ZCCHC7: variants seen among roughly 807,000 people sequenced by gnomAD.
The protein encoded by ZCCHC7 is zinc finger CCHC domain-containing protein 7.
Under a neutral mutation model 52.0 loss-of-function variants are expected in ZCCHC7, and 35 were observed. The ratio of observed to expected loss-of-function variants is 0.67; its 90% CI spans 0.51 to 0.89. The LOEUF (loss-of-function observed/expected upper bound fraction) is 0.89, where lower values mean the gene tolerates loss of function less well. ZCCHC7 is among the 40% of genes least tolerant of loss of function. ZCCHC7 has a pLI of 0.00. For missense variants in ZCCHC7, 574 were observed against 649.1 expected (o/e 0.88, Z 1.26); for synonymous variants, 217 against 221.5 (o/e 0.98, Z 0.18).
chr9:37,288,294 AT>A (rs1828355780), intron 2 of ZCCHC7, among the ~76,000 whole-genome samples: 1 of 149,876 alleles, frequency 6.7e-6, no homozygotes, highest in Non-Finnish European at 1.5e-5. Flanking sequence ...AAAAAAAAAA[AT>A]CTATCTATCT....
intron 5 of ZCCHC7, among the ~76,000 whole-genome samples, chr9:37,321,580 A>G (rs1459785151): frequency 6.6e-6 from 1 of 152,136 alleles, no homozygotes; most frequent in Admixed American, 6.5e-5. Flanking sequence ...CCTAGGCACC[A>G]TAGTGAGACT....
intron 5 of ZCCHC7, chr9:37,327,562 GA>G: frequency 2.3e-6 from 1 of 434,186 alleles, no homozygotes. Flanking sequence ...AACCTGAAAA[GA>G]AAAAGAGAGA....
At chr9:37,170,400 T>G (rs557368206) in intron 2 of ZCCHC7, among the ~76,000 whole-genome samples, 67 of 152,358 alleles carry the variant, frequency 4.4e-4, no homozygotes, top group Non-Finnish European at 2.8e-4. Context: ...CAAATAGGTT[T>G]CATTCTCACA....
chr9:37,309,206 G>T (rs1829480647), intron 5 of ZCCHC7, among the ~76,000 whole-genome samples: 2 of 152,170 alleles, frequency 1.3e-5, no homozygotes, highest in Non-Finnish European at 1.5e-5. Context: ...GTCAAGCCTG[G>T]GCTCTACTGA....
chr9:37,342,213 G>C (rs117075062), intron 6 of ZCCHC7, among the ~76,000 whole-genome samples: 1 of 152,160 alleles, frequency 6.6e-6, no homozygotes, highest in Admixed American at 6.6e-5. Flanking sequence ...TGATGGGCTG[G>C]GTATGAGGTA....
At position 37,162,771 on chromosome 9, in the gene ZCCHC7, C is replaced by T. The variant is rs150418802; in HGVS notation, c.610+35829C>T. ...GTAATGGATATGTGTGTTTATCTTT[C>T]GAAGGAAACAACAGTTCCAGGCCAG... On this transcript the variant is annotated intron_variant, in intron 2 of 8. Coordinates refer to ENST00000336755, the MANE Select transcript of ZCCHC7 (RefSeq NM_032226.3). 1.6e-3 allele frequency among the ~76,000 whole-genome samples: 250 copies of T among 152,212 alleles called. 1 individual carries two copies. The highest frequency in any genetic ancestry group is 5.7e-3 in the African/African-American group (235 of 41,536).
intron 6 of ZCCHC7, among the ~76,000 whole-genome samples, chr9:37,337,401 A>T (rs975899111): frequency 4.3e-5 from 1 of 23,106 alleles, no homozygotes; most frequent in Non-Finnish European, 7.3e-5. Flanking sequence ...CTACCCACCC[A>T]CCCCCCCCCC....
At chr9:37,181,857 TA>T (rs568024031) in intron 2 of ZCCHC7, among the ~76,000 whole-genome samples, 14 of 152,226 alleles carry the variant, frequency 9.2e-5, no homozygotes, top group Non-Finnish European at 1.6e-4. Flanking sequence ...TATAAATTTT[TA>T]AAAAAAATTT....
chr9:37,174,984 A>G (rs1821938505), intron 2 of ZCCHC7, among the ~76,000 whole-genome samples: 1 of 151,792 alleles, frequency 6.6e-6, no homozygotes. Flanking sequence ...TAAAAATACA[A>G]AAATTAGCCG....
At chr9:37,198,133 C>T (rs970357976) in intron 2 of ZCCHC7, among the ~76,000 whole-genome samples, 1 of 152,132 alleles carries the variant, frequency 6.6e-6, no homozygotes, top group Non-Finnish European at 1.5e-5. Flanking sequence ...CTTACTTGTC[C>T]TAGAATCTGT....
chr9:37,155,726 A>G lies in ZCCHC7; in HGVS notation c.610+28784A>G, dbSNP rs545442854. 4.6e-5 allele frequency among the ~76,000 whole-genome samples: 7 copies of G among 152,298 alleles called. No homozygotes were observed. In the South Asian group the frequency reaches 6.2e-4, roughly 14 times the overall value. On this transcript the variant is annotated intron_variant, in intron 2 of 8. Transcript: ENST00000336755. ...AAATGTCTCCAAATTTCAGAGTCCT[A>G]TTCATCTTACCTAAAATACACTAAG...
intron 2 of ZCCHC7, among the ~76,000 whole-genome samples, chr9:37,234,415 T>A (rs1317461541): frequency 3.3e-5 from 5 of 152,218 alleles, no homozygotes; most frequent in Non-Finnish European, 4.4e-5. Flanking sequence ...TTTTGATAAT[T>A]CTGGTTAAAG....
intron 2 of ZCCHC7, among the ~76,000 whole-genome samples, chr9:37,183,559 C>G (rs1237626142): frequency 1.3e-5 from 2 of 152,226 alleles, no homozygotes; most frequent in East Asian, 1.9e-4. Flanking sequence ...TGAACCATAG[C>G]GTTGTTGATA....
chr9:37,254,282 T>C (rs1484005955), intron 2 of ZCCHC7, among the ~76,000 whole-genome samples: 1 of 152,090 alleles, frequency 6.6e-6, no homozygotes, highest in East Asian at 1.9e-4. Context: ...TAAATGTAGT[T>C]TAAGATAATA....
chr9:37,190,362 AAC>A (rs1430636775), intron 2 of ZCCHC7, among the ~76,000 whole-genome samples: 5 of 152,178 alleles, frequency 3.3e-5, no homozygotes, highest in Admixed American at 3.3e-4. Context: ...CTCAAGCTAG[AAC>A]TAGAGGCTTC....
At chr9:37,159,015 G>A (rs149374690) in intron 2 of ZCCHC7, among the ~76,000 whole-genome samples, 1 of 150,844 alleles carries the variant, frequency 6.6e-6, no homozygotes, top group East Asian at 1.9e-4. Context: ...AAATACCAAG[G>A]TATTAAATCA....
At position 37,346,033 on chromosome 9, in the gene ZCCHC7, G is replaced by A. The variant is rs1820948057; in HGVS notation, c.988-3324G>A. On this transcript the variant is annotated intron_variant, in intron 6 of 8. Coordinates refer to ENST00000336755, the MANE Select transcript of ZCCHC7 (RefSeq NM_032226.3). ...GTTTTGTTTTTTGCGACAGAGTTTC[G>A]CTCTTGTTGCCCAGGCTAGAGTGCA... Among the ~76,000 whole-genome samples, 4 of 151,964 alleles carry A rather than the reference G, an allele frequency of 2.6e-5. No individual in the cohort carries two copies. The South Asian group carries it at 8.3e-4, about 32-fold the overall frequency.
chr9:37,304,479 C>G (rs1469077008), intron 4 of ZCCHC7, among the ~76,000 whole-genome samples, 166 bp downstream of exon 4: 1 of 152,082 alleles, frequency 6.6e-6, no homozygotes, highest in East Asian at 1.9e-4. Flanking sequence ...TGGTGAAAAA[C>G]CCCGTCTCTA....
At chr9:37,125,814 T>C (rs953669763) in intron 1 of ZCCHC7, among the ~76,000 whole-genome samples, 2 of 152,250 alleles carry the variant, frequency 1.3e-5, no homozygotes, top group African/African-American at 4.8e-5. Context: ...AGACAGACAG[T>C]GTGACTGTGG....
Sources: gnomAD v4.1 joint callset for allele counts (sites outside exome capture counted in the v4.1 genomes callset) on GRCh38, gnomAD v4.1.1 for gene constraint, MANE v1.5 for transcripts, NCBI Gene and HGNC (gene_info 2026-07-23, HGNC 2026-07-21) for gene names.